The following CYFIP1 variants were observed in gnomAD, a reference collection of about 807,000 sequenced individuals.
CYFIP1 encodes the protein cytoplasmic FMR1 interacting protein 1.
Under a neutral mutation model 163.5 loss-of-function variants are expected in CYFIP1, and 58 were observed. That is an observed-to-expected ratio of 0.35 (90% CI 0.29 to 0.44). The LOEUF is 0.44. Ranked by LOEUF, CYFIP1 falls within the 20% of genes least tolerant of loss-of-function variation. The pLI is 1.00. For missense variants in CYFIP1, 1,338 were observed against 1,653.8 expected (o/e 0.81, Z 3.31); for synonymous variants, 663 against 660.7 (o/e 1.00, Z -0.05).
intron 6 of CYFIP1, 119 bp downstream of exon 6, chr15:22,943,054 C>T: frequency 1.1e-6 from 1 of 907,834 alleles, no homozygotes; most frequent in Non-Finnish European, 1.7e-6. Flanking sequence ...TGAGACGTAG[C>T]TGCTGCCTAC....
At chr15:22,950,657 G>A (rs1023388749) in intron 1 of CYFIP1, among the ~76,000 whole-genome samples, 4 of 152,254 alleles carry the variant, frequency 2.6e-5, no homozygotes, top group Non-Finnish European at 5.9e-5. Flanking sequence ...TTCTGAGTAG[G>A]ATGATAAACT....
intron 29 of CYFIP1, among the ~76,000 whole-genome samples, 188 bp from the exon 30 acceptor site, chr15:22,873,160 T>G (rs1472148227): frequency 6.6e-6 from 1 of 152,082 alleles, no homozygotes; most frequent in East Asian, 1.9e-4. Context: ...ATAAATAACT[T>G]TTTTGGGCTC....
intron 21 of CYFIP1, among the ~76,000 whole-genome samples, chr15:22,908,262 C>T (rs539959648): frequency 1.3e-4 from 20 of 152,226 alleles, no homozygotes; most frequent in African/African-American, 4.6e-4. Context: ...AATCCAAAGA[C>T]CCTCTGAAGG....
At chr15:22,967,728 A>G (rs2062959537) in intron 1 of CYFIP1, among the ~76,000 whole-genome samples, 1 of 152,178 alleles carries the variant, frequency 6.6e-6, no homozygotes, top group African/African-American at 2.4e-5. Flanking sequence ...CAGTGAGGTC[A>G]GCCTGAAATG....
chr15:22,977,668 T>C (rs2063324187), intron 1 of CYFIP1, among the ~76,000 whole-genome samples: 1 of 151,662 alleles, frequency 6.6e-6, no homozygotes, highest in Non-Finnish European at 1.5e-5. Flanking sequence ...CTGTCTCTAC[T>C]AAAAATACAA....
chr15:22,889,148 C>T (rs1390777585), intron 23 of CYFIP1, among the ~76,000 whole-genome samples: 1 of 152,196 alleles, frequency 6.6e-6, no homozygotes, highest in Non-Finnish European at 1.5e-5. Flanking sequence ...GCAGAAATCT[C>T]TTACAGTGAG....
At chr15:22,887,774 C>T (rs779417473) in intron 23 of CYFIP1, among the ~76,000 whole-genome samples, 2 of 152,156 alleles carry the variant, frequency 1.3e-5, no homozygotes, top group African/African-American at 2.4e-5. Context: ...GGCACCGTCA[C>T]AAACACTGTG....
chr15:22,882,864 T>C lies in CYFIP1; in HGVS notation c.2820+4A>G. 1 of 1,612,176 alleles carries C rather than the reference T, an allele frequency of 6.2e-7. No homozygotes were observed. Among genetic ancestry groups the C allele is most frequent in the East Asian group, 2.2e-5 (1 of 44,816 alleles). ...TGAAAGAAGCATGTCCAGGGAACAC[T>C]CACCAGGCTCTTGACGACCTTCAGC... On this transcript the variant is annotated splice_donor_region_variant and intron_variant, in intron 24 of 30. Coordinates refer to ENST00000617928, the MANE Select transcript of CYFIP1 (RefSeq NM_014608.6).
At chr15:22,951,093 G>C (rs1370075843) in intron 1 of CYFIP1, among the ~76,000 whole-genome samples, 1 of 152,074 alleles carries the variant, frequency 6.6e-6, no homozygotes, top group East Asian at 1.9e-4. Context: ...GTGTTGGGCC[G>C]GTTCCACAGA....
intron 22 of CYFIP1, among the ~76,000 whole-genome samples, chr15:22,903,457 A>T (rs1220709513): frequency 6.6e-6 from 1 of 152,206 alleles, no homozygotes; most frequent in Non-Finnish European, 1.5e-5. Flanking sequence ...ACCATCAGGC[A>T]AACAGAAAGC....
At chr15:22,912,390 A>G in intron 17 of CYFIP1, 115 bp from the exon 18 acceptor site, 1 of 736,366 alleles carries the variant, frequency 1.4e-6, no homozygotes, top group Non-Finnish European at 2.2e-6. Context: ...GTAAGGAAAA[A>G]CAACTTTCAC....
At chr15:22,899,196 T>A (rs2060323050) in intron 22 of CYFIP1, among the ~76,000 whole-genome samples, 1 of 151,958 alleles carries the variant, frequency 6.6e-6, no homozygotes, top group African/African-American at 2.4e-5. Context: ...AAATGAGTAA[T>A]ATACTAAGAA....
intron 1 of CYFIP1, among the ~76,000 whole-genome samples, chr15:22,964,377 A>AGACTCCGCAACCTCAT (rs1567040541): frequency 2.9e-5 from 4 of 137,694 alleles, no homozygotes; most frequent in African/African-American, 1.2e-4. Flanking sequence ...ACACACACAC[A>AGACTCCGCAACCTCAT]CACACACACA....
At chr15:22,956,375 C>A (rs1236151421) in intron 1 of CYFIP1, among the ~76,000 whole-genome samples, 10 of 152,046 alleles carry the variant, frequency 6.6e-5, no homozygotes, top group Admixed American at 2.0e-4. Context: ...AAAAAAGACA[C>A]TACTAGGCTG....
intron 23 of CYFIP1, among the ~76,000 whole-genome samples, chr15:22,884,554 C>T (rs1464410827): frequency 1.3e-5 from 2 of 152,200 alleles, no homozygotes; most frequent in African/African-American, 4.8e-5. Context: ...TTGCAGGGTA[C>T]AGTCCCCCTC....
intron 1 of CYFIP1, among the ~76,000 whole-genome samples, chr15:22,957,282 C>G (rs2062496271): frequency 1.3e-5 from 2 of 152,200 alleles, no homozygotes; most frequent in Admixed American, 1.3e-4. Flanking sequence ...GCAGGCGGAT[C>G]ACGAGGTCAG....
At chr15:22,905,974 T>C (rs2060565454) in intron 21 of CYFIP1, among the ~76,000 whole-genome samples, 1 of 151,970 alleles carries the variant, frequency 6.6e-6, no homozygotes, top group Non-Finnish European at 1.5e-5. Flanking sequence ...TTAGCCAGGA[T>C]GGTCTTGATC....
At chr15:22,974,592 T>A (rs2063206141) in intron 1 of CYFIP1, among the ~76,000 whole-genome samples, 1 of 152,020 alleles carries the variant, frequency 6.6e-6, no homozygotes, top group African/African-American at 2.4e-5. Context: ...TTAGTCAGGC[T>A]TGGTGGCACC....
At chr15:22,938,758 C>T (rs775676901) in intron 8 of CYFIP1, among the ~76,000 whole-genome samples, 15 of 151,524 alleles carry the variant, frequency 9.9e-5, no homozygotes, top group Admixed American at 7.2e-4. Flanking sequence ...TAAAAATTAG[C>T]GAGGCATGGT....
Sources: gnomAD v4.1 joint callset for allele counts (sites outside exome capture counted in the v4.1 genomes callset) on GRCh38, gnomAD v4.1.1 for gene constraint, MANE v1.5 for transcripts, NCBI Gene and HGNC (gene_info 2026-07-23, HGNC 2026-07-21) for gene names.